The following DOCK2 variants were observed in gnomAD, a reference collection of about 807,000 sequenced individuals.
The protein encoded by DOCK2 is dedicator of cytokinesis 2, also known as dedicator of cytokinesis protein 2.
DOCK2 carries 87 observed loss-of-function variants against 248.9 expected under a neutral mutation model. That is an observed-to-expected ratio of 0.35 (90% CI 0.29 to 0.42). The LOEUF is 0.42. DOCK2 is among the 10% of genes least tolerant of loss of function. The probability of loss-of-function intolerance (pLI) is 1.00; values close to 1 mark genes in which losing one functional copy is unlikely to be tolerated. For missense variants in DOCK2, 1,747 were observed against 2,300.2 expected (o/e 0.76, Z 4.92); for synonymous variants, 805 against 821.6 (o/e 0.98, Z 0.35).
intron 44 of DOCK2, among the ~76,000 whole-genome samples, chr5:170,065,953 G>GTTTTTTT (rs34658795): frequency 3.7e-5 from 5 of 133,398 alleles, no homozygotes; most frequent in African/African-American, 1.1e-4. Flanking sequence ...AATGAAAACT[G>GTTTTTTT]TTTTTTTTTT....
chr5:169,985,758 T>C, intron 28 of DOCK2, 70 bp from the exon 29 acceptor site: 1 of 1,338,956 alleles, frequency 7.5e-7, no homozygotes, highest in Admixed American at 2.2e-5. Context: ...AGCAAAAAAA[T>C]TTGAAGAGCC....
chr5:169,932,203 G>GCA (rs1030858656), intron 27 of DOCK2, among the ~76,000 whole-genome samples: 3 of 152,068 alleles, frequency 2.0e-5, no homozygotes, highest in Non-Finnish European at 2.9e-5. Flanking sequence ...AGCATCACCT[G>GCA]CACACACACA....
At chr5:169,640,236 AC>A (rs1192930210) in intron 1 of DOCK2, among the ~76,000 whole-genome samples, 2 of 152,262 alleles carry the variant, frequency 1.3e-5, no homozygotes, top group African/African-American at 2.4e-5. Context: ...CAAATTCATG[AC>A]AAATAATCTG....
At chr5:169,822,570 C>T (rs146980621) in intron 26 of DOCK2, among the ~76,000 whole-genome samples, 3 of 152,130 alleles carry the variant, frequency 2.0e-5, no homozygotes, top group African/African-American at 4.8e-5. Context: ...TTGAAACCAA[C>T]GAGAACAAAG....
intron 22 of DOCK2, among the ~76,000 whole-genome samples, chr5:169,731,584 C>T (rs262869): frequency 0.047 from 7,195 of 152,212 alleles, 337 homozygotes; most frequent in African/African-American, 0.11. Flanking sequence ...AATACAGACC[C>T]TTATTCCTCA....
intron 27 of DOCK2, among the ~76,000 whole-genome samples, chr5:169,918,105 G>T (rs975229362): frequency 6.6e-6 from 1 of 152,278 alleles, no homozygotes; most frequent in Middle Eastern, 3.4e-3. Context: ...AACCTTAGTA[G>T]AATTTGAAAG....
At chr5:170,061,738 A>G (rs553571595) in intron 44 of DOCK2, among the ~76,000 whole-genome samples, 124 of 152,384 alleles carry the variant, frequency 8.1e-4, no homozygotes, top group Non-Finnish European at 1.5e-3. Flanking sequence ...AGGAAAGCCA[A>G]TCAACTGCTC....
intron 30 of DOCK2, among the ~76,000 whole-genome samples, chr5:170,002,236 GAAA>G (rs11313241): frequency 7.1e-6 from 1 of 140,992 alleles, no homozygotes. Context: ...TGTTGCTAGC[GAAA>G]AAAAAAAAAA....
At chr5:169,718,841 G>T in intron 22 of DOCK2, 50 bp downstream of exon 22, 2 of 1,561,770 alleles carry the variant, frequency 1.3e-6, no homozygotes, top group Non-Finnish European at 1.7e-6. Flanking sequence ...AATTCCTCTG[G>T]GATACAACAG....
intron 23 of DOCK2, among the ~76,000 whole-genome samples, chr5:169,757,438 C>G (rs1221481132): frequency 6.6e-6 from 1 of 152,120 alleles, no homozygotes; most frequent in Non-Finnish European, 1.5e-5. Flanking sequence ...ACCCTTTTCC[C>G]CTACAGAATA....
At chr5:169,968,806 G>A (rs1401195841) in intron 27 of DOCK2, among the ~76,000 whole-genome samples, 1 of 152,208 alleles carries the variant, frequency 6.6e-6, no homozygotes, top group Non-Finnish European at 1.5e-5. Flanking sequence ...AGAACACAAA[G>A]ATGGACTGCC....
intron 13 of DOCK2, 42 bp from the exon 14 acceptor site, chr5:169,702,261 G>A: frequency 6.2e-6 from 10 of 1,608,410 alleles, no homozygotes; most frequent in South Asian, 1.1e-5. Flanking sequence ...CTCTCCTGCT[G>A]TAATCCACAC....
chr5:169,856,299 C>T (rs1770890710), intron 27 of DOCK2, among the ~76,000 whole-genome samples: 1 of 152,202 alleles, frequency 6.6e-6, no homozygotes, highest in Admixed American at 6.5e-5. Flanking sequence ...AAGCTGCCCA[C>T]CAGCCCCTGA....
chr5:170,027,878 A>G lies in DOCK2; in HGVS notation c.3397A>G (p.Ile1133Val), dbSNP rs1755976107. The G allele has an allele frequency of 6.2e-7, 1 of 1,612,720 alleles. No homozygotes were observed. Among genetic ancestry groups the G allele is most frequent in the Non-Finnish European group, 8.5e-7 (1 of 1,179,332 alleles). ...ACATCTTCAGTTTGAAAACGAAATC[A>G]TCCTGAAGCTGGACCACGAGGTAGA... is the stretch of plus-strand genomic sequence containing the variant. ...GDFKKFENEI[I>V]LKLDHEVEGG... Residue 1133 changes from isoleucine to valine, a missense_variant, in exon 34 of 52, where the codon ATC becomes GTC. Transcript: ENST00000520908.
At position 169,991,098 on chromosome 5, in the gene DOCK2, G is replaced by A. The variant is rs185588665; in HGVS notation, c.2994-4988G>A. ...ACAGAGGTCAACCACCCAGCCCACG[G>A]CCGCAGCTCAGAAGAGTGGCTGAGT... On this transcript the variant is annotated intron_variant, in intron 29 of 51. Coordinates refer to ENST00000520908, the MANE Select transcript of DOCK2 (RefSeq NM_004946.3). Among the ~76,000 whole-genome samples, 46 of 152,374 alleles carry A rather than the reference G, an allele frequency of 3.0e-4. No homozygotes were observed. In the East Asian group the frequency reaches 7.5e-3, roughly 25 times the overall value.
intron 27 of DOCK2, among the ~76,000 whole-genome samples, chr5:169,887,753 T>TAGTG (rs1288510000): frequency 6.6e-6 from 1 of 152,204 alleles, no homozygotes; most frequent in Non-Finnish European, 1.5e-5. Flanking sequence ...GAAGAAGAAT[T>TAGTG]AGTGAGTCAA....
chr5:169,806,032 T>C (rs1767333348), intron 26 of DOCK2, among the ~76,000 whole-genome samples: 1 of 152,196 alleles, frequency 6.6e-6, no homozygotes, highest in African/African-American at 2.4e-5. Flanking sequence ...CCTCTCCTGC[T>C]CATGAAGATG....
At chr5:169,802,922 T>C in intron 25 of DOCK2, 136 bp from the exon 26 acceptor site, 6 of 1,122,570 alleles carry the variant, frequency 5.3e-6, no homozygotes, top group Non-Finnish European at 7.4e-6. Flanking sequence ...CTTAACCTAA[T>C]CTTTAATATT....
intron 27 of DOCK2, among the ~76,000 whole-genome samples, chr5:169,913,629 T>C (rs1419750796): frequency 1.3e-5 from 2 of 152,228 alleles, no homozygotes; most frequent in Non-Finnish European, 2.9e-5. Flanking sequence ...CTCTTGGCTT[T>C]CTGGGAGTAT....
Sources: allele counts gnomAD v4.1 joint callset (sites outside exome capture counted in the v4.1 genomes callset), GRCh38; gene constraint gnomAD v4.1.1; transcripts MANE v1.5; gene names NCBI Gene and HGNC (gene_info 2026-07-23, HGNC 2026-07-21).